PRRG4: variants seen among roughly 807,000 people sequenced by gnomAD.
PRRG4 encodes proline rich and Gla domain 4.
In PRRG4, 12 loss-of-function variants were observed where a neutral mutation model predicts 20.0. That is an observed-to-expected ratio of 0.60 (90% CI 0.38 to 0.97). The LOEUF is 0.97. PRRG4 is among the 50% of genes least tolerant of loss of function. The pLI, the probability that PRRG4 is intolerant of heterozygous loss-of-function variation, is 0.00. For missense variants in PRRG4, 199 were observed against 265.1 expected (o/e 0.75, Z 1.73); for synonymous variants, 94 against 96.4 (o/e 0.98, Z 0.15).
At chr11:32,850,662 A>G (rs1479503338) in intron 5 of PRRG4, among the ~76,000 whole-genome samples, 2 of 152,198 alleles carry the variant, frequency 1.3e-5, no homozygotes, top group Non-Finnish European at 2.9e-5. Flanking sequence ...CAGCAGAGTT[A>G]TTTGTTTCTA....
rs556932866 is a variant in PRRG4, at chr11:32,856,997, A to T, written c.*3470A>T. ...CAGGTGCACCTCGGTACACCTGGCT[A>T]ATTTTTGTGTTTTTTGTAGAGACAG... On this transcript the variant is annotated 3_prime_UTR_variant, in exon 6 of 6. Transcript: ENST00000257836. 1 of 151,836 alleles carries T rather than the reference A, an allele frequency of 6.6e-6. No individual in the cohort carries two copies. Among genetic ancestry groups the T allele is most frequent in the South Asian group, 2.1e-4 (1 of 4,788 alleles). The allele number at this position is 151,836 out of a possible 1,614,324, so 9.4% of individuals were successfully genotyped here. A position where few individuals can be genotyped will look rare whatever the true frequency, so the allele number is the denominator to read the frequency against.
At chr11:32,852,365 G>T (rs780856291) in intron 5 of PRRG4, among the ~76,000 whole-genome samples, 5 of 152,184 alleles carry the variant, frequency 3.3e-5, no homozygotes, top group Non-Finnish European at 1.5e-5. Flanking sequence ...CTGAGGAGAA[G>T]AATGACGTGA....
Position 32,855,797 on chromosome 11 carries a change from GACTTTGC to G in PRRG4, c.*2282_*2288del, listed in dbSNP as rs1312603592. 1 of 152,158 alleles carries G rather than the reference GACTTTGC, an allele frequency of 6.6e-6. No individual in the cohort carries two copies. The highest frequency in any genetic ancestry group is 1.5e-5 in the Non-Finnish European group (1 of 68,024). The allele number at this position is 152,158 out of a possible 1,614,324, so 9.4% of individuals were successfully genotyped here. ...TTTACATAAGCACTTTTGCTCATGT[GACTTTGC>G]ACTTTGCACTTATTTTAATCCTCTT... On this transcript the variant is annotated 3_prime_UTR_variant, in exon 6 of 6. Coordinates refer to ENST00000257836, the MANE Select transcript of PRRG4 (RefSeq NM_024081.6).
rs1366417359 is a variant in PRRG4, at chr11:32,854,972, C to T, written c.*1445C>T. On this transcript the variant is annotated 3_prime_UTR_variant, in exon 6 of 6. Coordinates refer to ENST00000257836, the MANE Select transcript of PRRG4 (RefSeq NM_024081.6). ...CCTGTTACTGATTAGTAAATACTCCCATCTTCGTTGCAAAATTATCTCTCT... is the reference window on the plus strand; with the variant it reads ...CCTGTTACTGATTAGTAAATACTCCTATCTTCGTTGCAAAATTATCTCTCT... 3 of 152,172 alleles carry T rather than the reference C, an allele frequency of 2.0e-5. No homozygotes were observed. The East Asian group carries it at 5.8e-4, about 29-fold the overall frequency. The allele number at this position is 152,172 out of a possible 1,614,324, so 9.4% of individuals were successfully genotyped here. A position where few individuals can be genotyped will look rare whatever the true frequency, so the allele number is the denominator to read the frequency against.
At chr11:32,837,541 GATTATTATTATT>G (rs35934196) in intron 3 of PRRG4, among the ~76,000 whole-genome samples, 1,642 of 95,758 alleles carry the variant, frequency 0.017, 22 homozygotes, top group African/African-American at 0.054. Flanking sequence ...TGATGATGAT[GATTATTATTATT>G]ATTATTATTA....
intron 5 of PRRG4, among the ~76,000 whole-genome samples, chr11:32,852,611 G>A (rs1028353576): frequency 8.5e-5 from 13 of 152,068 alleles, no homozygotes; most frequent in African/African-American, 2.9e-4. Flanking sequence ...CCTTTTTCTA[G>A]TGCACCAGAC....
At chr11:32,830,287 C>T (rs941315997) in intron 1 of PRRG4, 114 bp downstream of exon 1, 13 of 863,408 alleles carry the variant, frequency 1.5e-5, no homozygotes, top group Non-Finnish European at 2.0e-5. Flanking sequence ...GCGACAGGTG[C>T]CCGATCAGCC....
intron 5 of PRRG4, among the ~76,000 whole-genome samples, chr11:32,852,278 G>C: frequency 6.6e-6 from 1 of 152,208 alleles, no homozygotes; most frequent in Non-Finnish European, 1.5e-5. Context: ...AGGTGTGGCT[G>C]CAGTAAGAGA....
chr11:32,832,775 G>T (rs1294234986), intron 2 of PRRG4, among the ~76,000 whole-genome samples: 2 of 152,140 alleles, frequency 1.3e-5, no homozygotes, highest in African/African-American at 2.4e-5. Flanking sequence ...GAGCTACCGC[G>T]CCTGGCCCTA....
At chr11:32,850,291 T>C (rs1851170367) in intron 5 of PRRG4, among the ~76,000 whole-genome samples, 2 of 152,116 alleles carry the variant, frequency 1.3e-5, no homozygotes, top group Non-Finnish European at 2.9e-5. Flanking sequence ...CCTTTTACCT[T>C]TTTTTTCCCC....
At chr11:32,843,754 CA>C (rs1851101746) in intron 5 of PRRG4, among the ~76,000 whole-genome samples, 2 of 148,930 alleles carry the variant, frequency 1.3e-5, no homozygotes, top group Non-Finnish European at 3.0e-5. Flanking sequence ...TATTTTGCAA[CA>C]GTGAAGTTCT....
At chr11:32,843,127 G>A (rs1189294122) in intron 5 of PRRG4, among the ~76,000 whole-genome samples, 5 of 152,122 alleles carry the variant, frequency 3.3e-5, no homozygotes, top group Non-Finnish European at 7.3e-5. Context: ...ACAGGCATGA[G>A]CCACCGTGCC....
chr11:32,838,449 G>T (rs796202412), intron 3 of PRRG4, among the ~76,000 whole-genome samples: 19 of 150,348 alleles, frequency 1.3e-4, no homozygotes, highest in African/African-American at 4.4e-4. Context: ...GAGTAATCCT[G>T]TCCGGAAAAA....
rs377749498 is a variant in PRRG4 at position 32,830,562 on chromosome 11, G to C, written c.33G>C (p.Leu11=). Residue 11 remains leucine, a synonymous_variant, in exon 2 of 6, where the codon CTG becomes CTC. Transcript: ENST00000257836. The stretch of plus-strand genomic sequence containing the variant: ...CGCTTCTGGTTCTACTCAGCCAACT[G>C]CCCACAGTTACCCTGGGGTTTCCTC... The part of the protein sequence containing the change: MFTLLVLLSQ[L]PTVTLGFPHC... The C allele has an allele frequency of 1.2e-6, 2 of 1,607,092 alleles. No individual in the cohort carries two copies. Among genetic ancestry groups the C allele is most frequent in the East Asian group, 2.2e-5 (1 of 44,780 alleles).
At chr11:32,839,534 T>C (rs1032096028) in intron 4 of PRRG4, among the ~76,000 whole-genome samples, 19 of 151,654 alleles carry the variant, frequency 1.3e-4, no homozygotes, top group African/African-American at 4.4e-4. Context: ...AGTGAATATG[T>C]TTATCCCACT....
At chr11:32,838,371 G>A (rs1431226157) in intron 3 of PRRG4, among the ~76,000 whole-genome samples, 3 of 151,896 alleles carry the variant, frequency 2.0e-5, no homozygotes, top group South Asian at 2.1e-4. Context: ...TGGGAGGATC[G>A]TTTGAGCCTG....
rs1165836931 is a variant in PRRG4, at chr11:32,850,916, T to A, written c.450-2380T>A. 5.3e-5 allele frequency among the ~76,000 whole-genome samples: 8 copies of A among 152,032 alleles called. No homozygotes were observed. The East Asian group carries it at 1.5e-3, about 29-fold the overall frequency. On this transcript the variant is annotated intron_variant, in intron 5 of 5. Transcript: ENST00000257836. ...GAAAACCAGTCTCTACTAAAAAAAATACAAAAATTAGCCGGGTGTGGTGGC... is the reference window on the plus strand; with the variant it reads ...GAAAACCAGTCTCTACTAAAAAAAAAACAAAAATTAGCCGGGTGTGGTGGC...
At chr11:32,835,515 T>C (rs1851012337) in intron 2 of PRRG4, among the ~76,000 whole-genome samples, 1 of 152,184 alleles carries the variant, frequency 6.6e-6, no homozygotes, top group South Asian at 2.1e-4. Context: ...AGTTTAAAGT[T>C]TGTGGGTTTT....
chr11:32,830,831 T>G lies in PRRG4; in HGVS notation c.103+199T>G, dbSNP rs145058296. On this transcript the variant is annotated intron_variant, in intron 2 of 5. Coordinates refer to ENST00000257836, the MANE Select transcript of PRRG4 (RefSeq NM_024081.6). ...TTATAGAATTTGATGTCTGTGAGTC[T>G]CCTTTAATAAGTATATACGTAAGAC... Among the ~76,000 whole-genome samples the G allele has an allele frequency of 3.0e-3, 461 of 152,330 alleles. 3 individuals are homozygous for G. The highest frequency in any genetic ancestry group is 5.3e-3 in the Admixed American group (81 of 15,310).
Sources: allele counts gnomAD v4.1 joint callset (sites outside exome capture counted in the v4.1 genomes callset), GRCh38; gene constraint gnomAD v4.1.1; transcripts MANE v1.5; gene names NCBI Gene and HGNC (gene_info 2026-07-23, HGNC 2026-07-21).